The following PCGF3 variants were observed in gnomAD, a reference collection of about 807,000 sequenced individuals.
The protein encoded by PCGF3 is polycomb group RING finger protein 3.
PCGF3 carries 7 observed loss-of-function variants against 33.1 expected under a neutral mutation model. The ratio of observed to expected loss-of-function variants is 0.21; its 90% CI spans 0.12 to 0.40. The LOEUF is 0.40. Ranked by LOEUF, PCGF3 falls within the 10% of genes least tolerant of loss-of-function variation. The pLI, the probability that PCGF3 is intolerant of heterozygous loss-of-function variation, is 1.00. For synonymous variants in PCGF3, 153 were observed against 121.3 expected, an observed-to-expected ratio of 1.26 and a Z score of -1.72; for missense variants, 211 against 313.3, an observed-to-expected ratio of 0.67 and a Z score of 2.46.
exon 11 of PCGF3, chr4:769,708 C>T (rs887154027): frequency 6.6e-6 from 1 of 152,538 alleles, no homozygotes; most frequent in Non-Finnish European, 1.5e-5. Context: ...TTGAGCGTTC[C>T]CCTGAGATGT....
At chr4:748,964 A>G (rs1744392827) in intron 8 of PCGF3, among the ~76,000 whole-genome samples, 1 of 151,434 alleles carries the variant, frequency 6.6e-6, no homozygotes, top group African/African-American at 2.4e-5. Flanking sequence ...GCTCCCCTTT[A>G]CTCTGGTGTG....
rs1163524277 is a variant in PCGF3 at position 728,419 on chromosome 4, G to A, written c.-189-2211G>A. Among the ~76,000 whole-genome samples, 5 of 151,766 alleles carry A rather than the reference G, an allele frequency of 3.3e-5. No individual in the cohort carries two copies. In the East Asian group the frequency reaches 7.7e-4, roughly 24 times the overall value. On this transcript the variant is annotated intron_variant, in intron 1 of 10. Transcript: ENST00000362003. ...GTAATCTGGGGATGGCGTAGAGTGC[G>A]TGGGGGGTGGCGTGCACAGCGTGTT...
At chr4:756,682 C>T (rs1050664900) in intron 8 of PCGF3, among the ~76,000 whole-genome samples, 4 of 152,008 alleles carry the variant, frequency 2.6e-5, no homozygotes, top group Non-Finnish European at 5.9e-5. Context: ...GTTCAGTGGC[C>T]TTGGGTACAG....
chr4:764,363 A>C (rs1481696394), intron 9 of PCGF3: 1 of 150,758 alleles, frequency 6.6e-6, no homozygotes, highest in South Asian at 2.1e-4. Flanking sequence ...GACAGCCTGG[A>C]CCGGAGGTAG....
chr4:735,752 C>T (rs1271991172), intron 5 of PCGF3, among the ~76,000 whole-genome samples: 1 of 152,254 alleles, frequency 6.6e-6, no homozygotes, highest in Non-Finnish European at 1.5e-5. Context: ...GTCTTTCTCC[C>T]TGCGCTGTGC....
intron 1 of PCGF3, among the ~76,000 whole-genome samples, chr4:722,615 C>T (rs1250051876): frequency 6.7e-6 from 1 of 149,340 alleles, no homozygotes; most frequent in African/African-American, 2.5e-5. Flanking sequence ...CGCGCCGGGT[C>T]CACACTCAGT....
chr4:716,837 G>C (rs1031849242), intron 1 of PCGF3, among the ~76,000 whole-genome samples: 1 of 144,208 alleles, frequency 6.9e-6, no homozygotes, highest in African/African-American at 2.6e-5. Flanking sequence ...GGGCGTCGGT[G>C]CTGGGACCCT....
intron 9 of PCGF3, among the ~76,000 whole-genome samples, chr4:763,729 T>C (rs1224409973): frequency 6.6e-6 from 1 of 151,968 alleles, no homozygotes; most frequent in African/African-American, 2.4e-5. Context: ...ACTGGAAATC[T>C]CCTGCCCACA....
intron 10 of PCGF3, 152 bp downstream of exon 10, chr4:765,216 G>A (rs1256883172): frequency 8.6e-6 from 5 of 583,742 alleles, no homozygotes; most frequent in East Asian, 3.1e-5. Flanking sequence ...GGCGGATCAC[G>A]AGGTCAGGAG....
exon 11 of PCGF3, chr4:766,477 T>TA (rs1553849451): frequency 1.7e-4 from 28 of 161,694 alleles, no homozygotes; most frequent in Non-Finnish European, 3.1e-4. Flanking sequence ...CAAGTGTAGT[T>TA]GGACTTTTAT....
exon 4 of PCGF3, chr4:733,749 C>T (rs772952369): frequency 1.1e-5 from 17 of 1,613,118 alleles, no homozygotes; most frequent in South Asian, 1.1e-5. Flanking sequence ...GCAGCGGGTA[C>T]CTCATCGACG....
intron 1 of PCGF3, among the ~76,000 whole-genome samples, chr4:722,686 C>G (rs1396941863): frequency 8.4e-6 from 1 of 118,858 alleles, no homozygotes; most frequent in African/African-American, 3.4e-5. Flanking sequence ...GGTCCACACT[C>G]GCGTCATCAC....
intron 8 of PCGF3, among the ~76,000 whole-genome samples, chr4:756,479 C>T (rs1744775030): frequency 6.6e-6 from 1 of 152,186 alleles, no homozygotes; most frequent in Non-Finnish European, 1.5e-5. Context: ...TCCCAAAGTG[C>T]TGGGATTACA....
chr4:707,672 C>G (rs1289152217), intron 1 of PCGF3, among the ~76,000 whole-genome samples: 1 of 138,322 alleles, frequency 7.2e-6, no homozygotes, highest in East Asian at 2.3e-4. Flanking sequence ...GGTCGGGACC[C>G]TGGGACAGCT....
intron 1 of PCGF3, among the ~76,000 whole-genome samples, chr4:712,079 A>G (rs555328525): frequency 2.6e-5 from 4 of 152,306 alleles, no homozygotes; most frequent in East Asian, 1.9e-4. Context: ...CTTGCTGTTA[A>G]TATAGCAAAA....
chr4:748,987 T>C (rs911690440), intron 8 of PCGF3, among the ~76,000 whole-genome samples: 1 of 152,182 alleles, frequency 6.6e-6, no homozygotes, highest in Non-Finnish European at 1.5e-5. Flanking sequence ...TTTCCATGGA[T>C]CGATGTAAAG....
intron 8 of PCGF3, among the ~76,000 whole-genome samples, chr4:751,328 T>G (rs930840201): frequency 6.6e-6 from 1 of 152,230 alleles, no homozygotes; most frequent in African/African-American, 2.4e-5. Context: ...AGGAATCGCT[T>G]CTTCATCTTA....
rs986395035 is a variant in PCGF3, at chr4:721,251, C to G, written c.-189-9379C>G. Among the ~76,000 whole-genome samples the G allele has an allele frequency of 1.3e-5, 2 of 152,224 alleles. No homozygotes were observed. Among genetic ancestry groups the G allele is most frequent in the African/African-American group, 4.8e-5 (2 of 41,452 alleles). On this transcript the variant is annotated intron_variant, in intron 1 of 10. Coordinates refer to ENST00000362003, the Ensembl canonical transcript of PCGF3. This position sits in a 1 kb window ranked among gnomAD's most constrained non-coding sequence, Gnocchi z 4.1. ...ACGGTGGCACAGGACACGCCTGCAG[C>G]TTTGTGCCTGTGAATCTCAGGAGCT...
chr4:749,931 A>G (rs1225208785), intron 8 of PCGF3, among the ~76,000 whole-genome samples: 1 of 152,230 alleles, frequency 6.6e-6, no homozygotes, highest in Non-Finnish European at 1.5e-5. Context: ...CCAAGCCTCC[A>G]GAGTAGCAGA....
Sources: gnomAD v4.1 joint callset for allele counts (sites outside exome capture counted in the v4.1 genomes callset) on GRCh38, gnomAD v4.1.1 for gene constraint, Gnocchi (gnomAD v3.1) non-coding constraint, MANE v1.5 for transcripts, NCBI Gene and HGNC (gene_info 2026-07-23, HGNC 2026-07-21) for gene names.